Variants in DIP2A observed in about 807,000 individuals in gnomAD.
DIP2A encodes DIP2 acetate--CoA ligase A.
In DIP2A, 85 loss-of-function variants were observed where a neutral mutation model predicts 177.4. The observed-to-expected ratio is 0.48, with a 90% CI of 0.40 to 0.57. The LOEUF is 0.57. Among genes scored for constraint, DIP2A ranks in the 20% least tolerant of loss-of-function variants. The pLI, the probability that DIP2A is intolerant of heterozygous loss-of-function variation, is 0.00. For synonymous variants in DIP2A, 886 were observed against 881.8 expected (o/e 1.00, Z -0.08); for missense variants, 1,791 against 2,100.2 (o/e 0.85, Z 2.88).
At chr21:46,477,543 T>TTTTGTGTGTGTGTG (rs374607636) in intron 1 of DIP2A, among the ~76,000 whole-genome samples, 1,731 of 87,064 alleles carry the variant, frequency 0.02, 45 homozygotes, top group East Asian at 0.037. Flanking sequence ...AAAAAAAGAT[T>TTTTGTGTGTGTGTG]TGTGTGTGTG....
intron 1 of DIP2A, among the ~76,000 whole-genome samples, chr21:46,464,844 T>TTTTTTTTTTTTTTTCCC (rs58546395): frequency 9.0e-6 from 1 of 111,216 alleles, no homozygotes; most frequent in Non-Finnish European, 1.7e-5. Context: ...TTTTTTTTTT[T>TTTTTTTTTTTTTTTCCC]CAAGAAAACA....
chr21:46,545,694 T>G (rs1360751034), intron 19 of DIP2A, among the ~76,000 whole-genome samples, 187 bp from the exon 20 acceptor site: 1 of 152,184 alleles, frequency 6.6e-6, no homozygotes, highest in Non-Finnish European at 1.5e-5. Flanking sequence ...GTTTCCTGCC[T>G]CAGGAGGCCT....
intron 8 of DIP2A, among the ~76,000 whole-genome samples, chr21:46,518,686 GTC>G (rs1323402652): frequency 3.3e-5 from 5 of 152,118 alleles, no homozygotes; most frequent in Non-Finnish European, 7.4e-5. Flanking sequence ...GCAAAAGCCT[GTC>G]TCTACTAAAA....
chr21:46,515,155 C>T (rs1209156660), intron 8 of DIP2A, among the ~76,000 whole-genome samples: 3 of 152,232 alleles, frequency 2.0e-5, no homozygotes, highest in African/African-American at 7.2e-5. Flanking sequence ...CTCACAGCCT[C>T]AACTGTTAAA....
At chr21:46,539,716 C>T in intron 16 of DIP2A, 161 bp from the exon 17 acceptor site, 1 of 678,170 alleles carries the variant, frequency 1.5e-6, no homozygotes. Flanking sequence ...CCTTGAAGAA[C>T]ATGAAGTCTG....
At chr21:46,541,721 T>C (rs2070434) in intron 17 of DIP2A, 35 bp from the exon 18 acceptor site, 481,352 of 1,611,640 alleles carry the variant, frequency 0.3, 73,482 homozygotes, top group Admixed American at 0.37. Context: ...TTCATCCCCC[T>C]CGTCAGTTAA....
At chr21:46,554,756 C>T (rs556114332) in intron 27 of DIP2A, 60 bp downstream of exon 27, 6 of 1,545,676 alleles carry the variant, frequency 3.9e-6, no homozygotes, top group African/African-American at 2.7e-5. Context: ...GGCTGCCCTC[C>T]GCTGCCCCCT....
At position 46,534,052 on chromosome 21, in the gene DIP2A, A is replaced by C. The variant is rs1569055084; in HGVS notation, c.1478A>C (p.Lys493Thr). The C allele has an allele frequency of 2.5e-6, 4 of 1,613,914 alleles. No homozygotes were observed. The highest frequency in any genetic ancestry group is 3.4e-6 in the Non-Finnish European group (4 of 1,179,878). ...GTGATTGATGGGAAGCATCTAGCCA[A>C]GCCCCCAAAGGACTGGCACCCTCTG... ...WLVIDGKHLAKPPKDWHPLAQ... is the reference protein window; with the variant it reads ...WLVIDGKHLATPPKDWHPLAQ... Residue 493 changes from lysine to threonine, a missense_variant, in exon 12 of 38, where the codon AAG becomes ACG. Lys to Thr is a moderately conservative substitution (Grantham distance 78). Transcript: ENST00000417564.
intron 1 of DIP2A, chr21:46,469,309 TAGCTTTTTTAC>T (rs1256825014): frequency 2.0e-5 from 3 of 152,236 alleles, no homozygotes; most frequent in African/African-American, 7.2e-5. Context: ...GATTCAAACT[TAGCTTTTTTAC>T]AGCAGTTTTT....
Position 46,467,025 on chromosome 21 carries a change from G to A in DIP2A, c.91+7803G>A, listed in dbSNP as rs895841325. 1.1e-4 allele frequency among the ~76,000 whole-genome samples: 17 copies of A among 152,164 alleles called. No homozygotes were observed. The East Asian group carries it at 1.2e-3, about 10-fold the overall frequency. Reference sequence around the variant, plus strand: ...ATTTTAAATGAGTTAGGCCGGGCGCGGTGGCTCACGCCTGTAATCCCAGCA... The same window carrying A: ...ATTTTAAATGAGTTAGGCCGGGCGCAGTGGCTCACGCCTGTAATCCCAGCA... On this transcript the variant is annotated intron_variant, in intron 1 of 37. Transcript: ENST00000417564.
At chr21:46,492,936 A>AAG (rs1206356810) in intron 3 of DIP2A, among the ~76,000 whole-genome samples, 1 of 138,242 alleles carries the variant, frequency 7.2e-6, no homozygotes, top group African/African-American at 2.5e-5. Context: ...TGTCTCAAAA[A>AAG]AAAAAGGAAG....
At chr21:46,515,149 C>T in intron 8 of DIP2A, among the ~76,000 whole-genome samples, 1 of 152,220 alleles carries the variant, frequency 6.6e-6, no homozygotes, top group East Asian at 1.9e-4. Context: ...GCCTAGCTCA[C>T]AGCCTCAACT....
At chr21:46,476,237 C>T (rs57421608) in intron 1 of DIP2A, among the ~76,000 whole-genome samples, 2,773 of 126,068 alleles carry the variant, frequency 0.022, 96 homozygotes, top group African/African-American at 0.083. Flanking sequence ...ATCAAGACTC[C>T]GTCTCAAAAA....
Position 46,539,987 on chromosome 21 carries a change from C to G in DIP2A, c.2032C>G (p.Arg678Gly). 3 of 1,613,138 alleles carry G rather than the reference C, an allele frequency of 1.9e-6. No homozygotes were observed. Among genetic ancestry groups the G allele is most frequent in the Non-Finnish European group, 2.5e-6 (3 of 1,179,100 alleles). ...TCCTGAGGCGCTGACTGTCGCCATC[C>G]GCAGGTAACCTTATTCCTTGCTATG... ...SSPEALTVAIRRPPDLGGPPP... is the reference protein window; with the variant it reads ...SSPEALTVAIGRPPDLGGPPP... The change falls in exon 17 of 38, where the codon CGC (arginine) becomes GGC (glycine). Residue 678 changes from arginine to glycine, a missense_variant. Transcript: ENST00000417564.
At chr21:46,535,008 T>A (rs1427977802) in intron 13 of DIP2A, among the ~76,000 whole-genome samples, 2 of 152,210 alleles carry the variant, frequency 1.3e-5, no homozygotes, top group Admixed American at 6.5e-5. Flanking sequence ...TTATACACAG[T>A]GCTGGGTTCA....
chr21:46,554,118 G>C, intron 25 of DIP2A, 51 bp from the exon 26 acceptor site: 1 of 1,562,026 alleles, frequency 6.4e-7, no homozygotes. Flanking sequence ...TCTGCGAACA[G>C]CCCACCTGCA....
intron 26 of DIP2A, 91 bp downstream of exon 26, chr21:46,554,383 C>G: frequency 1.3e-6 from 2 of 1,566,486 alleles, no homozygotes; most frequent in African/African-American, 2.7e-5. Flanking sequence ...CCCGAAGCAT[C>G]TTCCAAAACT....
chr21:46,470,240 C>T (rs1263824743), intron 1 of DIP2A, among the ~76,000 whole-genome samples: 1 of 152,114 alleles, frequency 6.6e-6, no homozygotes, highest in Non-Finnish European at 1.5e-5. Flanking sequence ...TTAGGGAGGC[C>T]AAGGCGGGCG....
chr21:46,462,498 T>C (rs537730456), intron 1 of DIP2A: 6 of 152,328 alleles, frequency 3.9e-5, no homozygotes, highest in Admixed American at 3.3e-4. Flanking sequence ...AGTCACATAG[T>C]GTGTGTGAAA....
Sources: allele counts gnomAD v4.1 joint callset (sites outside exome capture counted in the v4.1 genomes callset), GRCh38; gene constraint gnomAD v4.1.1; transcripts MANE v1.5; gene names NCBI Gene and HGNC (gene_info 2026-07-23, HGNC 2026-07-21).